Variants in STK32B observed in about 807,000 individuals in gnomAD.
STK32B encodes the protein serine/threonine-protein kinase 32B.
STK32B carries 43 observed loss-of-function variants against 52.6 expected under a neutral mutation model. The ratio of observed to expected loss-of-function variants is 0.82; its 90% CI spans 0.64 to 1.05. The LOEUF (loss-of-function observed/expected upper bound fraction) is 1.05. STK32B is among the 50% of genes least tolerant of loss of function. The pLI, the probability that STK32B is intolerant of heterozygous loss-of-function variation, is 0.00. For synonymous variants in STK32B, 238 were observed against 204.3 expected, an observed-to-expected ratio of 1.17 and a Z score of -1.41; for missense variants, 621 against 534.6, an observed-to-expected ratio of 1.16 and a Z score of -1.59.
At chr4:5,314,601 C>T (rs1277028654) in intron 3 of STK32B, among the ~76,000 whole-genome samples, 2 of 152,082 alleles carry the variant, frequency 1.3e-5, no homozygotes, top group Admixed American at 6.6e-5. Flanking sequence ...ACCCAGGAGG[C>T]GGAGGTTGCA....
intron 11 of STK32B, among the ~76,000 whole-genome samples, chr4:5,472,587 G>C (rs1466586998): frequency 6.6e-6 from 1 of 152,118 alleles, no homozygotes; most frequent in East Asian, 1.9e-4. Flanking sequence ...TTTTCCAAGA[G>C]GTCTTTTCAA....
In STK32B at chr4:5,482,901, A is replaced by G. The variant is rs555883305; in HGVS notation, c.1106+14831A>G. On this transcript the variant is annotated intron_variant, in intron 11 of 11. Transcript: ENST00000282908. ...TGCTGGATTACATTTATTGATTTGC[A>G]TATGTTGAACCAGCCTTGCATCCCA... Among the ~76,000 whole-genome samples the G allele has an allele frequency of 2.8e-3, 427 of 152,218 alleles. 5 individuals are homozygous for G. The highest frequency in any genetic ancestry group is 4.6e-3 in the Non-Finnish European group (316 of 68,012).
rs550865258 is a variant in STK32B at position 5,450,939 on chromosome 4, A to G, written c.666+4163A>G. ...TTAGCAAGTAAGGCCAATGGGCTTC[A>G]TGAGCAGAGATGGGTTCCCATCCAC... On this transcript the variant is annotated intron_variant, in intron 7 of 11. Transcript: ENST00000282908. 2.6e-5 allele frequency among the ~76,000 whole-genome samples: 4 copies of G among 152,268 alleles called. No individual in the cohort carries two copies. The South Asian group carries it at 8.3e-4, about 32-fold the overall frequency.
chr4:5,433,316 G>A (rs1019345709), intron 6 of STK32B, among the ~76,000 whole-genome samples: 1 of 152,280 alleles, frequency 6.6e-6, no homozygotes, highest in Middle Eastern at 3.4e-3. Context: ...GACCCTTGCG[G>A]CTGAGACTGA....
intron 3 of STK32B, among the ~76,000 whole-genome samples, chr4:5,202,882 C>G (rs942910650): frequency 5.9e-5 from 9 of 152,198 alleles, no homozygotes; most frequent in South Asian, 2.1e-4. Flanking sequence ...GCCACATAAA[C>G]ATGGTGGGTG....
At chr4:5,483,585 C>G (rs1242385069) in intron 11 of STK32B, among the ~76,000 whole-genome samples, 1 of 152,098 alleles carries the variant, frequency 6.6e-6, no homozygotes, top group South Asian at 2.1e-4. Context: ...GTCTCTATTT[C>G]CTTCAGTTCT....
At chr4:5,478,107 T>C (rs1394760680) in intron 11 of STK32B, among the ~76,000 whole-genome samples, 1 of 152,178 alleles carries the variant, frequency 6.6e-6, no homozygotes. Flanking sequence ...AACTCCCCTC[T>C]GAAAAGCCAT....
At chr4:5,480,010 G>C (rs1008332662) in intron 11 of STK32B, among the ~76,000 whole-genome samples, 1 of 152,112 alleles carries the variant, frequency 6.6e-6, no homozygotes, top group African/African-American at 2.4e-5. Context: ...TTGTAAAATG[G>C]GGTATTAATA....
intron 3 of STK32B, among the ~76,000 whole-genome samples, chr4:5,230,848 A>G (rs1184066079): frequency 6.6e-6 from 1 of 152,232 alleles, no homozygotes; most frequent in African/African-American, 2.4e-5. Context: ...GTAAGAGAGA[A>G]TAAGATGAGA....
At chr4:5,109,757 C>A (rs1054095654) in intron 1 of STK32B, among the ~76,000 whole-genome samples, 1 of 152,142 alleles carries the variant, frequency 6.6e-6, no homozygotes, top group African/African-American at 2.4e-5. Flanking sequence ...TACTAACAGT[C>A]CTAGCCAGAG....
chr4:5,194,475 C>T (rs541964339), intron 3 of STK32B, among the ~76,000 whole-genome samples: 1 of 152,224 alleles, frequency 6.6e-6, no homozygotes, highest in East Asian at 1.9e-4. Context: ...CAAGACAGTG[C>T]CCTTTGCATG....
Position 5,309,196 on chromosome 4 carries a change from A to G in STK32B, c.261-22024A>G, listed in dbSNP as rs551693497. ...ATAAATTTAACCAAGGAGGTGAAAG[A>G]TCTCTACAAGGAAAACTATAAAACA... is the stretch of plus-strand genomic sequence containing the variant. On this transcript the variant is annotated intron_variant, in intron 3 of 11. Transcript: ENST00000282908. 9.8e-4 allele frequency among the ~76,000 whole-genome samples: 150 copies of G among 152,304 alleles called. 1 individual carries two copies. The highest frequency in any genetic ancestry group is 3.5e-3 in the African/African-American group (145 of 41,584).
chr4:5,305,613 A>AAT (rs1729875869), intron 3 of STK32B, among the ~76,000 whole-genome samples: 1 of 151,982 alleles, frequency 6.6e-6, no homozygotes, highest in African/African-American at 2.4e-5. Context: ...AACCATACTA[A>AAT]TGGTCTATCA....
chr4:5,330,546 A>G (rs1283109739), intron 3 of STK32B, among the ~76,000 whole-genome samples: 2 of 152,178 alleles, frequency 1.3e-5, no homozygotes, highest in African/African-American at 4.8e-5. Flanking sequence ...CTTCTGCTCC[A>G]TGTGATATCT....
chr4:5,388,082 G>A lies in STK32B; in HGVS notation c.435-10125G>A, dbSNP rs573142107. On this transcript the variant is annotated intron_variant, in intron 4 of 11. Coordinates refer to ENST00000282908, the MANE Select transcript of STK32B (RefSeq NM_018401.3). ...TTTTAACTATGACCATGGAGAAGTC[G>A]CTTCACCTCTCCAGGCTGCAGTTTC... 8.5e-5 allele frequency among the ~76,000 whole-genome samples: 13 copies of A among 152,280 alleles called. No homozygotes were observed. The East Asian group carries it at 1.2e-3, about 14-fold the overall frequency.
At chr4:5,162,429 C>T (rs1718520190) in intron 2 of STK32B, among the ~76,000 whole-genome samples, 1 of 152,160 alleles carries the variant, frequency 6.6e-6, no homozygotes, top group Non-Finnish European at 1.5e-5. Context: ...CTGTGACCAC[C>T]GCGTGCAGGT....
chr4:5,161,722 T>A (rs912398933), intron 2 of STK32B, among the ~76,000 whole-genome samples: 1 of 152,066 alleles, frequency 6.6e-6, no homozygotes, highest in Non-Finnish European at 1.5e-5. Context: ...GCATATTGGG[T>A]AGTAAAAAGC....
At chr4:5,025,497 T>C in the STK32B span, among the ~76,000 whole-genome samples, 1 of 152,110 alleles carries the variant, frequency 6.6e-6, no homozygotes, top group African/African-American at 2.4e-5. Context: ...TCCTAACTCA[T>C]TGGTGTGTAA....
intron 6 of STK32B, among the ~76,000 whole-genome samples, chr4:5,446,204 C>G (rs779539233): frequency 6.6e-6 from 1 of 152,222 alleles, no homozygotes; most frequent in Non-Finnish European, 1.5e-5. Flanking sequence ...TCTCAGACAG[C>G]TCATGGCTTA....
Sources: allele counts gnomAD v4.1 joint callset (sites outside exome capture counted in the v4.1 genomes callset), GRCh38; gene constraint gnomAD v4.1.1; transcripts MANE v1.5; gene names NCBI Gene and HGNC (gene_info 2026-07-23, HGNC 2026-07-21).